The following JAKMIP2 variants were observed in gnomAD, a reference collection of about 807,000 sequenced individuals.
JAKMIP2 encodes the protein janus kinase and microtubule interacting protein 2.
JAKMIP2 carries 25 observed loss-of-function variants against 115.0 expected under a neutral mutation model. The ratio of observed to expected loss-of-function variants is 0.22; its 90% CI spans 0.16 to 0.30. The LOEUF is 0.30. Ranked by LOEUF, JAKMIP2 falls within the 10% of genes least tolerant of loss-of-function variation. JAKMIP2 has a pLI of 1.00. For synonymous variants in JAKMIP2, 334 were observed against 343.6 expected (o/e 0.97, Z 0.31); for missense variants, 642 against 957.6 (o/e 0.67, Z 4.35).
chr5:147,641,342 T>C (rs866842135), intron 8 of JAKMIP2, among the ~76,000 whole-genome samples: 2 of 152,188 alleles, frequency 1.3e-5, no homozygotes, highest in African/African-American at 2.4e-5. Context: ...ATCAATAAGA[T>C]TGTCTGAATG....
intron 1 of JAKMIP2, among the ~76,000 whole-genome samples, chr5:147,672,174 TA>T (rs1759640146): frequency 6.6e-6 from 1 of 152,198 alleles, no homozygotes; most frequent in African/African-American, 2.4e-5. Context: ...ACCTGAAGCA[TA>T]AATCCTTCAT....
At chr5:147,671,490 C>T (rs886333068) in intron 2 of JAKMIP2, among the ~76,000 whole-genome samples, 188 bp downstream of exon 2, 1 of 152,238 alleles carries the variant, frequency 6.6e-6, no homozygotes, top group African/African-American at 2.4e-5. Flanking sequence ...TTTTCACTTT[C>T]TGTGTGTCCT....
chr5:147,598,405 A>C (rs1357211541), intron 21 of JAKMIP2, among the ~76,000 whole-genome samples: 1 of 144,992 alleles, frequency 6.9e-6, no homozygotes, highest in Non-Finnish European at 1.5e-5. Flanking sequence ...GAATTCTCTT[A>C]ATAAAGCCGC....
intron 1 of JAKMIP2, among the ~76,000 whole-genome samples, chr5:147,672,500 T>C (rs1427129965): frequency 1.3e-5 from 2 of 152,258 alleles, no homozygotes; most frequent in African/African-American, 4.8e-5. Flanking sequence ...TCTTTCCATA[T>C]GCTGTGCTAG....
chr5:147,763,728 G>A (rs1755014739), intron 1 of JAKMIP2, among the ~76,000 whole-genome samples: 1 of 152,102 alleles, frequency 6.6e-6, no homozygotes, highest in Non-Finnish European at 1.5e-5. Flanking sequence ...GTAGTTTAAT[G>A]AATTAGGCAC....
At chr5:147,736,040 T>G (rs1362731375) in intron 1 of JAKMIP2, among the ~76,000 whole-genome samples, 1 of 151,818 alleles carries the variant, frequency 6.6e-6, no homozygotes, top group African/African-American at 2.4e-5. Context: ...TGCCCATAAA[T>G]CAACACTCTT....
chr5:147,782,565 G>T lies in JAKMIP2; in HGVS notation c.-258C>A. On this transcript the variant is annotated 5_prime_UTR_variant, in exon 1 of 22. Coordinates refer to ENST00000616793, the MANE Select transcript of JAKMIP2 (RefSeq NM_001270941.2). ...TCCGAACCCAACATCAGCAGTGGCT[G>T]CCGGTTTTTTTTTTCCCTCTGTCTC... 1 of 1,250,536 alleles carries T rather than the reference G, an allele frequency of 8.0e-7. No homozygotes were observed. The highest frequency in any genetic ancestry group is 1.1e-6 in the Non-Finnish European group (1 of 889,268). 77.5% of individuals were successfully genotyped at this position (1,250,536 alleles called of 1,614,324 possible). A position where few individuals can be genotyped will look rare whatever the true frequency, so the allele number is the denominator to read the frequency against.
At chr5:147,596,465 T>C (rs1412507689) in intron 21 of JAKMIP2, among the ~76,000 whole-genome samples, 1 of 152,170 alleles carries the variant, frequency 6.6e-6, no homozygotes, top group Non-Finnish European at 1.5e-5. Context: ...AGTCTTCAAA[T>C]GGTATATAAA....
intron 1 of JAKMIP2, among the ~76,000 whole-genome samples, chr5:147,763,322 T>A (rs1228609198): frequency 6.6e-6 from 1 of 152,140 alleles, no homozygotes; most frequent in Admixed American, 6.6e-5. Flanking sequence ...TCCCAGTTCA[T>A]CCCATTGACA....
Position 147,587,525 on chromosome 5 carries a change from T to A in JAKMIP2, c.*4182A>T, listed in dbSNP as rs1754925193. The A allele has an allele frequency of 6.6e-6, 1 of 152,176 alleles. No homozygotes were observed. Among genetic ancestry groups the A allele is most frequent in the South Asian group, 2.1e-4 (1 of 4,830 alleles). 9.4% of individuals were successfully genotyped at this position (152,176 alleles called of 1,614,324 possible). ...AAAAATAAAATTTCTATGCTGTCCA[T>A]CTATCTTGATGTAATATAACACAGA... On this transcript the variant is annotated 3_prime_UTR_variant, in exon 22 of 22. Transcript: ENST00000616793.
At chr5:147,741,327 A>G (rs1235568071) in intron 1 of JAKMIP2, among the ~76,000 whole-genome samples, 2 of 152,198 alleles carry the variant, frequency 1.3e-5, no homozygotes, top group Non-Finnish European at 2.9e-5. Context: ...AAATTTTCCA[A>G]CTTCAGAATG....
intron 1 of JAKMIP2, among the ~76,000 whole-genome samples, chr5:147,756,891 T>C (rs1173246174): frequency 1.3e-5 from 2 of 152,204 alleles, no homozygotes; most frequent in African/African-American, 4.8e-5. Flanking sequence ...TACAAAGTAC[T>C]GTCTGTGTTC....
chr5:147,723,852 A>C (rs1753413737), intron 1 of JAKMIP2, among the ~76,000 whole-genome samples: 1 of 152,130 alleles, frequency 6.6e-6, no homozygotes, highest in African/African-American at 2.4e-5. Flanking sequence ...ACACTTTACA[A>C]AATATAATGA....
rs142773220 is a variant in JAKMIP2 at position 147,750,258 on chromosome 5, G to A, written c.-149+32198C>T. Among the ~76,000 whole-genome samples the A allele has an allele frequency of 4.5e-3, 683 of 152,228 alleles. 3 individuals are homozygous for A. Among genetic ancestry groups the A allele is most frequent in the African/African-American group, 0.016 (655 of 41,540 alleles). ...GGTGCTCTGAAAGGGCCAAGCATGT[G>A]AGAAATGGCAGGAAGGAGGCCATTT... is the stretch of plus-strand genomic sequence containing the variant. On this transcript the variant is annotated intron_variant, in intron 1 of 21. Coordinates refer to ENST00000616793, the MANE Select transcript of JAKMIP2 (RefSeq NM_001270941.2).
chr5:147,655,266 A>C (rs1469420052), intron 3 of JAKMIP2, among the ~76,000 whole-genome samples: 2 of 152,224 alleles, frequency 1.3e-5, no homozygotes, highest in Non-Finnish European at 2.9e-5. Context: ...GAATAGTTTC[A>C]GAAGGAATGG....
chr5:147,718,661 G>A (rs910896081), intron 1 of JAKMIP2, among the ~76,000 whole-genome samples: 2 of 152,058 alleles, frequency 1.3e-5, no homozygotes, highest in African/African-American at 4.8e-5. Flanking sequence ...TTCTCTGATG[G>A]TAGTTTGTAT....
chr5:147,747,381 A>G (rs2127010343), intron 1 of JAKMIP2, among the ~76,000 whole-genome samples: 1 of 152,242 alleles, frequency 6.6e-6, no homozygotes, highest in South Asian at 2.1e-4. Context: ...GGTAAATTAA[A>G]CCAGTTAAAG....
intron 11 of JAKMIP2, among the ~76,000 whole-genome samples, chr5:147,636,724 T>C (rs1581331468): frequency 6.6e-6 from 1 of 152,122 alleles, no homozygotes; most frequent in Admixed American, 6.6e-5. Flanking sequence ...TTGTACAGGG[T>C]TCCTCTTCCT....
intron 1 of JAKMIP2, among the ~76,000 whole-genome samples, chr5:147,695,552 A>G (rs528786222): frequency 6.6e-6 from 1 of 152,298 alleles, no homozygotes; most frequent in South Asian, 2.1e-4. Flanking sequence ...CATGGGCATC[A>G]GGCCCAGATA....
Sources: allele counts gnomAD v4.1 joint callset (sites outside exome capture counted in the v4.1 genomes callset), GRCh38; gene constraint gnomAD v4.1.1; transcripts MANE v1.5; gene names NCBI Gene and HGNC (gene_info 2026-07-23, HGNC 2026-07-21).